The following PLEKHM3 variants were observed in gnomAD, a reference collection of about 807,000 sequenced individuals.
PLEKHM3 encodes the protein pleckstrin homology domain containing M3, also known as pleckstrin homology domain-containing family M member 3.
PLEKHM3 carries 45 observed loss-of-function variants against 81.8 expected under a neutral mutation model. The observed-to-expected ratio is 0.55, with a 90% CI of 0.43 to 0.71. The LOEUF (loss-of-function observed/expected upper bound fraction) is 0.71, where lower values mean the gene tolerates loss of function less well. Ranked by LOEUF, PLEKHM3 falls within the 30% of genes least tolerant of loss-of-function variation. The pLI is 0.00. For synonymous variants in PLEKHM3, 352 were observed against 356.4 expected (o/e 0.99, Z 0.14); for missense variants, 788 against 924.3 (o/e 0.85, Z 1.91).
chr2:207,861,696 G>A (rs2092468304), intron 6 of PLEKHM3, among the ~76,000 whole-genome samples: 1 of 152,136 alleles, frequency 6.6e-6, no homozygotes, highest in African/African-American at 2.4e-5. Context: ...TAATGGGATA[G>A]TTTTTTCACC....
At chr2:207,871,137 G>C (rs2092532039) in intron 6 of PLEKHM3, among the ~76,000 whole-genome samples, 1 of 152,118 alleles carries the variant, frequency 6.6e-6, no homozygotes, top group Non-Finnish European at 1.5e-5. Flanking sequence ...TATCACCAAA[G>C]TATATGGGAT....
At chr2:207,965,610 T>C (rs1163672114) in intron 3 of PLEKHM3, among the ~76,000 whole-genome samples, 1 of 152,218 alleles carries the variant, frequency 6.6e-6, no homozygotes, top group Non-Finnish European at 1.5e-5. Context: ...TCAAATCTCT[T>C]TGAATTTTAG....
At chr2:207,937,872 ACAGT>A (rs1473022358) in intron 4 of PLEKHM3, among the ~76,000 whole-genome samples, 1 of 152,220 alleles carries the variant, frequency 6.6e-6, no homozygotes, top group African/African-American at 2.4e-5. Context: ...TCCTGTTAAA[ACAGT>A]CAGTGGGCTA....
In PLEKHM3 at chr2:207,843,274, A is replaced by G. The variant is rs1415347591; in HGVS notation, c.2109-14778T>C. Among the ~76,000 whole-genome samples the G allele has an allele frequency of 6.6e-6, 1 of 151,732 alleles. No homozygotes were observed. Among genetic ancestry groups the G allele is most frequent in the Non-Finnish European group, 1.5e-5 (1 of 67,918 alleles). The stretch of plus-strand genomic sequence containing the variant: ...ACCGCACCAGGGGCTTTTCCTTTTC[A>G]TTGTCTTTGGGTAGCAGCCTGCCTG... On this transcript the variant is annotated intron_variant, in intron 7 of 7. Transcript: ENST00000427836. This position sits in a 1 kb window ranked among gnomAD's most constrained non-coding sequence, Gnocchi z 4.4.
chr2:207,860,148 C>CGTGT (rs1352983342), intron 7 of PLEKHM3, among the ~76,000 whole-genome samples: 1 of 58,070 alleles, frequency 1.7e-5, no homozygotes, highest in African/African-American at 7.1e-5. Flanking sequence ...CTGAACTCTG[C>CGTGT]CTCTGTGTGT....
intron 7 of PLEKHM3, among the ~76,000 whole-genome samples, chr2:207,839,766 A>C (rs1340128041): frequency 6.6e-6 from 1 of 152,082 alleles, no homozygotes; most frequent in African/African-American, 2.4e-5. Flanking sequence ...TCTCTACAAA[A>C]ACAGAAAAAA....
chr2:207,964,292 T>C (rs1280236283), intron 3 of PLEKHM3, among the ~76,000 whole-genome samples: 4 of 152,160 alleles, frequency 2.6e-5, no homozygotes, highest in African/African-American at 9.7e-5. Context: ...GGAAAGCTTG[T>C]TTAAAAATCC....
Position 208,001,448 on chromosome 2 carries a change from G to C in PLEKHM3, c.192C>G (p.Thr64=). The stretch of plus-strand genomic sequence containing the variant: ...AAATCATGCCCCCCTTGCCCAGGGA[G>C]GTGACATTTCTCATAGCACCATTGT... ...ITDNGAMRNV[T]SLGKGGMIWD... Residue 64 remains threonine, a synonymous_variant, in exon 2 of 8, where the codon ACC becomes ACG. Coordinates refer to ENST00000427836, the MANE Select transcript of PLEKHM3 (RefSeq NM_001080475.3). 2 of 1,614,208 alleles carry C rather than the reference G, an allele frequency of 1.2e-6. No individual in the cohort carries two copies. Among genetic ancestry groups the C allele is most frequent in the Non-Finnish European group, 1.7e-6 (2 of 1,180,032 alleles).
chr2:207,839,306 C>T (rs1350121056), intron 7 of PLEKHM3, among the ~76,000 whole-genome samples: 1 of 151,826 alleles, frequency 6.6e-6, no homozygotes, highest in Non-Finnish European at 1.5e-5. Flanking sequence ...AGAAAATGCA[C>T]ATTAATGTAC....
At chr2:207,949,451 G>A (rs1690257319) in intron 3 of PLEKHM3, among the ~76,000 whole-genome samples, 1 of 152,114 alleles carries the variant, frequency 6.6e-6, no homozygotes, top group African/African-American at 2.4e-5. Flanking sequence ...GAGGTGGGAG[G>A]AGCACTTGAA....
chr2:207,875,860 C>T (rs2092557444), intron 6 of PLEKHM3, among the ~76,000 whole-genome samples: 1 of 152,152 alleles, frequency 6.6e-6, no homozygotes, highest in African/African-American at 2.4e-5. Context: ...TTTAAGTTAC[C>T]TTGCTTAACT....
At chr2:207,937,901 A>C (rs950383482) in intron 4 of PLEKHM3, among the ~76,000 whole-genome samples, 3 of 152,242 alleles carry the variant, frequency 2.0e-5, no homozygotes, top group African/African-American at 7.2e-5. Context: ...AGGAGAAATT[A>C]GGAAACCTTC....
intron 2 of PLEKHM3, among the ~76,000 whole-genome samples, chr2:207,994,974 C>T (rs906395255): frequency 5.3e-5 from 8 of 152,136 alleles, no homozygotes; most frequent in African/African-American, 1.9e-4. Flanking sequence ...CACGTGTATA[C>T]CTATGTAACA....
intron 1 of PLEKHM3, among the ~76,000 whole-genome samples, chr2:208,019,247 A>G (rs1191425218): frequency 1.3e-5 from 2 of 152,190 alleles, no homozygotes; most frequent in Non-Finnish European, 2.9e-5. Context: ...TTGAGGCTGC[A>G]GTGAGCTATG....
chr2:207,837,928 G>A (rs1318555264), intron 7 of PLEKHM3, among the ~76,000 whole-genome samples: 18 of 150,448 alleles, frequency 1.2e-4, no homozygotes, highest in African/African-American at 4.2e-4. Context: ...CCACCACCAC[G>A]CCCGGCTAAT....
intron 3 of PLEKHM3, among the ~76,000 whole-genome samples, chr2:207,960,337 C>G (rs1176684247): frequency 2.0e-5 from 3 of 152,240 alleles, no homozygotes; most frequent in East Asian, 3.9e-4. Flanking sequence ...AAGAGGACAT[C>G]ATGGCCTTCA....
intron 7 of PLEKHM3, among the ~76,000 whole-genome samples, chr2:207,854,261 C>A (rs2092427349): frequency 6.6e-6 from 1 of 152,136 alleles, no homozygotes; most frequent in Admixed American, 6.5e-5. Flanking sequence ...TTATTTCAAA[C>A]ATATGCAAAA....
chr2:207,919,006 G>A (rs1047675959), intron 5 of PLEKHM3, among the ~76,000 whole-genome samples: 6 of 152,260 alleles, frequency 3.9e-5, no homozygotes, highest in Admixed American at 3.9e-4. Context: ...CGTGTGTGGT[G>A]GGCAGTGGGG....
intron 3 of PLEKHM3, among the ~76,000 whole-genome samples, chr2:207,964,749 C>A (rs562422569): frequency 6.6e-6 from 1 of 152,100 alleles, no homozygotes; most frequent in Non-Finnish European, 1.5e-5. Context: ...GGGAGTTTCA[C>A]GCTCTTTGGG....
Sources: gnomAD v4.1 joint callset for allele counts (sites outside exome capture counted in the v4.1 genomes callset) on GRCh38, gnomAD v4.1.1 for gene constraint, Gnocchi (gnomAD v3.1) non-coding constraint, MANE v1.5 for transcripts, NCBI Gene and HGNC (gene_info 2026-07-23, HGNC 2026-07-21) for gene names.